PDGFD: variants seen among roughly 807,000 people sequenced by gnomAD.
PDGFD encodes platelet derived growth factor D.
A neutral mutation model predicts 44.7 loss-of-function variants in PDGFD; 30 were observed. The observed-to-expected ratio is 0.67, with a 90% CI of 0.50 to 0.91. The LOEUF is 0.91. Ranked by LOEUF, PDGFD falls within the 40% of genes least tolerant of loss-of-function variation. PDGFD has a pLI of 0.00. For missense variants in PDGFD, 445 were observed against 457.8 expected, an observed-to-expected ratio of 0.97 and a Z score of 0.25; for synonymous variants, 173 against 168.4, an observed-to-expected ratio of 1.03 and a Z score of -0.21.
At chr11:104,036,777 G>A (rs1191973244) in intron 1 of PDGFD, 23 of 1,509,158 alleles carry the variant, frequency 1.5e-5, no homozygotes, top group Non-Finnish European at 1.9e-5. Context: ...GCCCGCCAGT[G>A]AGCCGCCCAT....
intron 1 of PDGFD, among the ~76,000 whole-genome samples, chr11:104,045,784 C>T (rs578097374): frequency 1.4e-5 from 2 of 147,138 alleles, no homozygotes; most frequent in African/African-American, 4.9e-5. Context: ...GGTCAAGACG[C>T]AATGAACAGA....
chr11:104,147,838 C>A (rs1380810978), intron 1 of PDGFD, among the ~76,000 whole-genome samples: 1 of 152,142 alleles, frequency 6.6e-6, no homozygotes. Context: ...GTTAAATCCT[C>A]CAAACATATG....
At chr11:104,071,907 T>A (rs1278603760) in intron 1 of PDGFD, among the ~76,000 whole-genome samples, 2 of 151,910 alleles carry the variant, frequency 1.3e-5, no homozygotes, top group East Asian at 3.8e-4. Context: ...GTACTGAGTC[T>A]ATTTCTAGAC....
intron 3 of PDGFD, among the ~76,000 whole-genome samples, chr11:103,976,913 T>G (rs1259156899): frequency 6.6e-6 from 1 of 151,806 alleles, no homozygotes. Flanking sequence ...GCTGTATTTT[T>G]GAAAAGATTA....
chr11:104,099,910 G>C (rs1470587965), intron 1 of PDGFD, among the ~76,000 whole-genome samples: 1 of 152,012 alleles, frequency 6.6e-6, no homozygotes, highest in African/African-American at 2.4e-5. Flanking sequence ...AACACGGATT[G>C]CTTTAATCTG....
rs1048120931 is a variant in PDGFD, at chr11:104,103,281, T to C, written c.124+60523A>G. Among the ~76,000 whole-genome samples, 6 of 152,042 alleles carry C rather than the reference T, an allele frequency of 3.9e-5. No individual in the cohort carries two copies. In the East Asian group the frequency reaches 7.7e-4, roughly 20 times the overall value. ...AAGGGCTATCTAAATGTTACCTTTTTATTTTTATAAGTATAACCAAAATCT... is the reference window on the plus strand; with the variant it reads ...AAGGGCTATCTAAATGTTACCTTTTCATTTTTATAAGTATAACCAAAATCT... On this transcript the variant is annotated intron_variant, in intron 1 of 6. Coordinates refer to ENST00000393158, the MANE Select transcript of PDGFD (RefSeq NM_025208.5).
At chr11:103,965,021 A>G (rs1426600985) in intron 3 of PDGFD, among the ~76,000 whole-genome samples, 1 of 151,740 alleles carries the variant, frequency 6.6e-6, no homozygotes, top group Admixed American at 6.6e-5. Flanking sequence ...TCTTCTTTCA[A>G]CATAAGATCA....
intron 1 of PDGFD, among the ~76,000 whole-genome samples, chr11:104,101,608 C>T (rs1237096197): frequency 2.6e-5 from 4 of 152,194 alleles, no homozygotes; most frequent in Admixed American, 2.6e-4. Context: ...AAAAAGAGCC[C>T]TCATCGCCAA....
chr11:103,997,034 T>C (rs1462444028), intron 2 of PDGFD, among the ~76,000 whole-genome samples: 1 of 152,228 alleles, frequency 6.6e-6, no homozygotes, highest in Non-Finnish European at 1.5e-5. Context: ...GAGTGTTCCA[T>C]CATTCTATCA....
At chr11:103,964,112 T>C (rs1007456201) in intron 3 of PDGFD, among the ~76,000 whole-genome samples, 9 of 152,206 alleles carry the variant, frequency 5.9e-5, no homozygotes, top group African/African-American at 2.2e-4. Context: ...TCATGTGATT[T>C]GCTTTGACCA....
At chr11:104,022,917 GT>G (rs71037210) in intron 1 of PDGFD, among the ~76,000 whole-genome samples, 4 of 151,578 alleles carry the variant, frequency 2.6e-5, no homozygotes, top group Admixed American at 6.6e-5. Context: ...TATAAAATTT[GT>G]TTTTTTTCCT....
intron 5 of PDGFD, among the ~76,000 whole-genome samples, chr11:103,928,022 T>C: frequency 6.6e-6 from 1 of 152,204 alleles, no homozygotes; most frequent in East Asian, 1.9e-4. Context: ...CCTCTTTATG[T>C]TTTCTTCTTT....
intron 6 of PDGFD, among the ~76,000 whole-genome samples, chr11:103,910,417 T>G (rs1216636720): frequency 6.6e-6 from 1 of 152,156 alleles, no homozygotes; most frequent in African/African-American, 2.4e-5. Context: ...TCACTGGGAC[T>G]GGTTAGACAT....
At chr11:104,119,276 A>G (rs191482937) in intron 1 of PDGFD, among the ~76,000 whole-genome samples, 487 of 10,832 alleles carry the variant, frequency 0.045, 19 homozygotes, top group Middle Eastern at 0.1. Context: ...ATAATATATT[A>G]ATATAATATA....
At chr11:103,914,018 TC>T (rs869292693) in intron 6 of PDGFD, among the ~76,000 whole-genome samples, 78 of 117,774 alleles carry the variant, frequency 6.6e-4, no homozygotes, top group Middle Eastern at 4.2e-3. Flanking sequence ...GAAGTAGGGG[TC>T]AGGGGGCAAC....
chr11:104,119,080 T>C (rs376419373), intron 1 of PDGFD, among the ~76,000 whole-genome samples: 967 of 34,452 alleles, frequency 0.028, 92 homozygotes, highest in Middle Eastern at 0.056. Flanking sequence ...TGGTATAATA[T>C]ATAATATATT....
chr11:104,103,462 G>GTATA (rs58684985), intron 1 of PDGFD, among the ~76,000 whole-genome samples: 205 of 133,230 alleles, frequency 1.5e-3, no homozygotes, highest in African/African-American at 2.7e-3. Context: ...GTGTGTGTGT[G>GTATA]TATATATATA....
chr11:104,051,945 A>C (rs550135460), intron 1 of PDGFD, among the ~76,000 whole-genome samples: 124 of 152,268 alleles, frequency 8.1e-4, no homozygotes, highest in African/African-American at 2.6e-3. Context: ...TGCAACCACT[A>C]TTTCCATCTA....
intron 1 of PDGFD, among the ~76,000 whole-genome samples, chr11:104,024,975 A>G (rs968360156): frequency 5.3e-5 from 8 of 152,184 alleles, no homozygotes; most frequent in Admixed American, 4.6e-4. Context: ...CCCCAACTCA[A>G]TGCTATGTGT....
Sources: allele counts gnomAD v4.1 joint callset (sites outside exome capture counted in the v4.1 genomes callset), GRCh38; gene constraint gnomAD v4.1.1; transcripts MANE v1.5; gene names NCBI Gene and HGNC (gene_info 2026-07-23, HGNC 2026-07-21).